TMEM232: variants seen among roughly 807,000 people sequenced by gnomAD.
TMEM232 encodes transmembrane protein 232.
A neutral mutation model predicts 78.8 loss-of-function variants in TMEM232; 80 were observed. The observed-to-expected ratio is 1.01, with a 90% confidence interval of 0.85 to 1.22. TMEM232 has a LOEUF of 1.22. TMEM232 is among the 50% of genes most tolerant of loss of function. TMEM232 has a pLI of 0.00. For synonymous variants in TMEM232, 297 were observed against 254.3 expected (o/e 1.17, Z -1.60); for missense variants, 881 against 742.2 (o/e 1.19, Z -2.17).
intron 2 of TMEM232, chr5:110,397,909 G>C (rs901876087): frequency 6.6e-6 from 1 of 152,514 alleles, no homozygotes; most frequent in African/African-American, 2.4e-5. Flanking sequence ...TTGATAGTCT[G>C]TTCTTCTCTC....
intron 8 of TMEM232, among the ~76,000 whole-genome samples, chr5:110,608,985 G>C (rs1401108961): frequency 6.6e-6 from 1 of 152,074 alleles, no homozygotes; most frequent in Admixed American, 6.6e-5. Context: ...AACTGAGCCA[G>C]AGTTTTACTG....
intron 10 of TMEM232, among the ~76,000 whole-genome samples, chr5:110,591,887 A>G (rs1437267364): frequency 6.6e-6 from 1 of 152,160 alleles, no homozygotes; most frequent in Non-Finnish European, 1.5e-5. Context: ...TTTCAGAAAG[A>G]CAGATCCTTA....
At chr5:110,529,881 T>C (rs1771172768) in intron 11 of TMEM232, among the ~76,000 whole-genome samples, 1 of 152,240 alleles carries the variant, frequency 6.6e-6, no homozygotes, top group African/African-American at 2.4e-5. Flanking sequence ...AACTTTTTTA[T>C]GTTCATGATA....
intron 11 of TMEM232, among the ~76,000 whole-genome samples, chr5:110,546,077 A>T (rs1773743891): frequency 6.6e-6 from 1 of 152,134 alleles, no homozygotes; most frequent in Admixed American, 6.6e-5. Context: ...ATATTTCAGG[A>T]TCTATTCACA....
intron 2 of TMEM232, among the ~76,000 whole-genome samples, chr5:110,657,378 T>TG (rs1789224287): frequency 3.1e-5 from 3 of 97,854 alleles, no homozygotes; most frequent in South Asian, 3.6e-4. Flanking sequence ...AATGGATATC[T>TG]ATCTGAGTGT....
intron 12 of TMEM232, among the ~76,000 whole-genome samples, chr5:110,482,354 G>T (rs1311168241): frequency 6.6e-6 from 1 of 152,090 alleles, no homozygotes; most frequent in Non-Finnish European, 1.5e-5. Context: ...GCCAAGACAG[G>T]CAGATAACCT....
chr5:110,490,105 G>C (rs1230527647), intron 12 of TMEM232, among the ~76,000 whole-genome samples: 1 of 139,914 alleles, frequency 7.1e-6, no homozygotes, highest in African/African-American at 2.6e-5. Flanking sequence ...GCCTGACTGA[G>C]TGAAACTCCG....
chr5:110,697,977 C>T (rs1794995583), intron 1 of TMEM232, among the ~76,000 whole-genome samples: 1 of 152,120 alleles, frequency 6.6e-6, no homozygotes, highest in Non-Finnish European at 1.5e-5. Flanking sequence ...GCTATAAAGA[C>T]ACATGCACAC....
chr5:110,491,926 A>G, intron 12 of TMEM232, among the ~76,000 whole-genome samples: 1 of 152,094 alleles, frequency 6.6e-6, no homozygotes, highest in East Asian at 1.9e-4. Context: ...TTATATATCA[A>G]TAAATTTCAG....
At chr5:110,398,925 G>A (rs113181125) in intron 2 of TMEM232, among the ~76,000 whole-genome samples, 15 of 152,138 alleles carry the variant, frequency 9.9e-5, no homozygotes, top group Non-Finnish European at 1.5e-4. Flanking sequence ...GTAGTTTCCA[G>A]TGTGGCAGAA....
At chr5:110,716,222 C>T (rs182840911) in intron 1 of TMEM232, among the ~76,000 whole-genome samples, 151 of 152,198 alleles carry the variant, frequency 9.9e-4, no homozygotes, top group African/African-American at 3.3e-3. Context: ...TATTTTACAG[C>T]AGGGGGCCCC....
intron 3 of TMEM232, 26 bp from the exon 4 acceptor site, chr5:110,641,022 C>A (rs1381332408): frequency 1.4e-6 from 2 of 1,403,786 alleles, no homozygotes; most frequent in African/African-American, 1.5e-5. Context: ...ATGAAAAAGA[C>A]AAATCAAAAT....
intron 4 of TMEM232, among the ~76,000 whole-genome samples, chr5:110,640,659 T>C (rs879890150): frequency 2.0e-5 from 3 of 152,102 alleles, no homozygotes; most frequent in Admixed American, 1.3e-4. Flanking sequence ...GGCAAAAAAG[T>C]AATAAAGACT....
At chr5:110,411,035 G>T (rs775364323) in intron 2 of TMEM232, among the ~76,000 whole-genome samples, 2 of 152,170 alleles carry the variant, frequency 1.3e-5, no homozygotes, top group Non-Finnish European at 2.9e-5. Context: ...TAGGGGATGA[G>T]AAGTATCCTG....
intron 1 of TMEM232, among the ~76,000 whole-genome samples, chr5:110,705,024 G>A (rs1450655011): frequency 1.3e-5 from 2 of 152,032 alleles, no homozygotes; most frequent in Non-Finnish European, 2.9e-5. Context: ...ATCACTGAAG[G>A]ACAATTTGAG....
chr5:110,586,300 T>C (rs367919544), intron 10 of TMEM232, among the ~76,000 whole-genome samples: 1 of 152,124 alleles, frequency 6.6e-6, no homozygotes, highest in East Asian at 1.9e-4. Context: ...TCATATCTTT[T>C]ACAATTTGTG....
intron 11 of TMEM232, among the ~76,000 whole-genome samples, chr5:110,563,471 T>C (rs890957213): frequency 1.3e-5 from 2 of 151,836 alleles, no homozygotes; most frequent in African/African-American, 2.4e-5. Context: ...CATATAAAAA[T>C]AGTTATAAGA....
chr5:110,591,508 T>C (rs1779525325), intron 10 of TMEM232, among the ~76,000 whole-genome samples: 1 of 152,184 alleles, frequency 6.6e-6, no homozygotes, highest in South Asian at 2.1e-4. Flanking sequence ...AGTTTCTCAC[T>C]ATAATAATAT....
At chr5:110,719,488 CT>C (rs1482438261) in intron 1 of TMEM232, among the ~76,000 whole-genome samples, 2 of 151,906 alleles carry the variant, frequency 1.3e-5, no homozygotes, top group African/African-American at 2.4e-5. Flanking sequence ...GTTTTTGCAG[CT>C]TTTTTCCCCC....
Sources: allele counts gnomAD v4.1 joint callset (sites outside exome capture counted in the v4.1 genomes callset), GRCh38; gene constraint gnomAD v4.1.1; transcripts MANE v1.5; gene names NCBI Gene and HGNC (gene_info 2026-07-23, HGNC 2026-07-21).